PM20D1: variants seen among roughly 807,000 people sequenced by gnomAD.
The protein encoded by PM20D1 is peptidase M20 domain containing 1.
In PM20D1, 53 loss-of-function variants were observed where a neutral mutation model predicts 53.8. That is an observed-to-expected ratio of 0.98 (90% CI 0.79 to 1.24). The LOEUF is 1.24. PM20D1 is among the 50% of genes most tolerant of loss of function. The pLI is 0.00. For synonymous variants in PM20D1, 239 were observed against 241.3 expected (o/e 0.99, Z 0.09); for missense variants, 564 against 616.8 (o/e 0.91, Z 0.91).
chr1:205,832,686 G>A lies in PM20D1; in HGVS notation c.1197C>T (p.Val399=). ...CCAAGGCCTTGTCATCAGAAGGGCT[G>A]ACGGGGAGGGGGTCAAAGGCACTCA... ...HVLSAFDPLP[V]SPSDDKALGY... is the part of the protein sequence containing the mutation. Residue 399 remains valine, a synonymous_variant, in exon 11 of 13, where the codon GTC becomes GTT. Transcript: ENST00000367136. 1 of 1,614,132 alleles carries A rather than the reference G, an allele frequency of 6.2e-7. No homozygotes were observed. The highest frequency in any genetic ancestry group is 8.5e-7 in the Non-Finnish European group (1 of 1,180,008).
intron 1 of PM20D1, among the ~76,000 whole-genome samples, chr1:205,848,569 C>T (rs952225420): frequency 6.6e-6 from 1 of 152,210 alleles, no homozygotes; most frequent in Non-Finnish European, 1.5e-5. Flanking sequence ...ACCCTCCTTA[C>T]TCAGTTGTCT....
Position 205,849,931 on chromosome 1 carries a change from G to A in PM20D1, c.142C>T (p.Arg48Cys), listed in dbSNP as rs375544300. ...RIPSQFSKEE[R>C]VAMKEALKGA... ...TTCAGCGCCTCTTTCATCGCGACGC[G>A]TTCCTCTTTGCTGAACTGAGAAGGG... is the stretch of plus-strand genomic sequence containing the variant. The change falls in exon 1 of 13, where the codon CGC becomes TGC. Residue 48 changes from arginine to cysteine, a missense_variant. By Grantham distance (180) the Arg-to-Cys change is radical. Transcript: ENST00000367136. The A allele has an allele frequency of 9.3e-6, 15 of 1,613,426 alleles. No individual in the cohort carries two copies. The South Asian group carries it at 1.3e-4, about 14-fold the overall frequency.
chr1:205,841,668 A>G (rs1266569397), intron 9 of PM20D1, 143 bp downstream of exon 9: 7 of 808,650 alleles, frequency 8.7e-6, no homozygotes, highest in South Asian at 6.7e-5. Flanking sequence ...TCAAGATTTC[A>G]GAAAGGCCTA....
At chr1:205,843,571 T>C (rs1195912734) in intron 6 of PM20D1, 96 bp downstream of exon 6, 2 of 1,501,450 alleles carry the variant, frequency 1.3e-6, no homozygotes, top group Non-Finnish European at 1.8e-6. Flanking sequence ...AGCCCAACTT[T>C]AGGGCAGGAA....
chr1:205,831,221 G>A (rs1270236244), intron 11 of PM20D1, among the ~76,000 whole-genome samples: 2 of 152,162 alleles, frequency 1.3e-5, no homozygotes, highest in Non-Finnish European at 1.5e-5. Context: ...AAGTGTGTGC[G>A]GTGATTTGAG....
intron 10 of PM20D1, among the ~76,000 whole-genome samples, chr1:205,837,384 C>T (rs1338890498): frequency 1.3e-5 from 2 of 152,374 alleles, no homozygotes; most frequent in South Asian, 4.1e-4. Flanking sequence ...CTTCTCTCTA[C>T]TCCTTCAGGC....
At chr1:205,849,834 G>A in intron 1 of PM20D1, 70 bp downstream of exon 1, 2 of 1,522,174 alleles carry the variant, frequency 1.3e-6, no homozygotes, top group Non-Finnish European at 1.8e-6. Context: ...GAAGCGGGGA[G>A]TCACGGGTTG....
chr1:205,835,925 G>A (rs1202901154), intron 10 of PM20D1, among the ~76,000 whole-genome samples: 1 of 152,036 alleles, frequency 6.6e-6, no homozygotes. Context: ...ACCCAGACTG[G>A]AGTGCAATGG....
rs957702205 is a variant in PM20D1, at chr1:205,828,465, C to T, written c.*155G>A. The T allele has an allele frequency of 7.3e-6, 8 of 1,103,364 alleles. No individual in the cohort carries two copies. Among genetic ancestry groups the T allele is most frequent in the East Asian group, 2.8e-5 (1 of 36,294 alleles). 68.3% of individuals were successfully genotyped at this position (1,103,364 alleles called of 1,614,324 possible). ...GATTTCTGCTGACTTTACCTTACCCCGGCCTTGTTCTTGGGAGAGTTTAAG... is the reference window on the plus strand; with the variant it reads ...GATTTCTGCTGACTTTACCTTACCCTGGCCTTGTTCTTGGGAGAGTTTAAG... On this transcript the variant is annotated 3_prime_UTR_variant, in exon 13 of 13. Transcript: ENST00000367136.
chr1:205,846,256 C>T (rs944817628), intron 2 of PM20D1, among the ~76,000 whole-genome samples: 9 of 151,924 alleles, frequency 5.9e-5, no homozygotes, highest in Admixed American at 2.0e-4. Context: ...CGTGGTGGCA[C>T]GTACTTGTAA....
At chr1:205,830,050 A>G (rs1272834731) in intron 12 of PM20D1, 1 of 440,952 alleles carries the variant, frequency 2.3e-6, no homozygotes, top group African/African-American at 2.0e-5. Context: ...TCACCCAATT[A>G]TCTCCATCTT....
rs140764201 is a variant in PM20D1 at position 205,848,952 on chromosome 1, T to C, written c.169+952A>G. ...GCTATGAGGTCCCTATTCTAGCTTA[T>C]GTAGCTTTTGTTCTCTTCTGTGCAG... On this transcript the variant is annotated intron_variant, in intron 1 of 12. Coordinates refer to ENST00000367136, the MANE Select transcript of PM20D1 (RefSeq NM_152491.5). Among the ~76,000 whole-genome samples, 14 of 152,348 alleles carry C rather than the reference T, an allele frequency of 9.2e-5. No individual in the cohort carries two copies. In the East Asian group the frequency reaches 2.7e-3, roughly 29 times the overall value.
chr1:205,847,808 CTTT>C (rs1478630468), intron 2 of PM20D1, 74 bp downstream of exon 2: 16 of 911,690 alleles, frequency 1.8e-5, no homozygotes, highest in Non-Finnish European at 2.9e-5. Context: ...AAATAAACTT[CTTT>C]ATCACTTTGT....
intron 11 of PM20D1, among the ~76,000 whole-genome samples, chr1:205,830,588 C>T (rs1656536345): frequency 6.6e-6 from 1 of 150,552 alleles, no homozygotes; most frequent in Non-Finnish European, 1.5e-5. Context: ...GGTGAGACAT[C>T]CCTTGGATGG....
At position 205,843,715 on chromosome 1, in the gene PM20D1, G is replaced by A; in HGVS notation, c.779C>T (p.Ala260Val). 1 of 1,614,216 alleles carries A rather than the reference G, an allele frequency of 6.2e-7. No homozygotes were observed. The highest frequency in any genetic ancestry group is 1.1e-5 in the South Asian group (1 of 91,084). The part of the protein sequence containing the change: ...QVNMTSGHSS[A>V]PPKETSIGIL... Reference sequence around the variant, plus strand: ...GCCAATGCTTGTCTCCTTTGGAGGAGCTGAAGAGTGGCCTGAAGTCATGTT... The same window carrying A: ...GCCAATGCTTGTCTCCTTTGGAGGAACTGAAGAGTGGCCTGAAGTCATGTT... Residue 260 changes from alanine (A) to valine (V), a missense_variant, in exon 6 of 13, where the codon GCT (alanine) becomes GTT (valine). By Grantham distance (64) the Ala-to-Val change is moderately conservative (BLOSUM62 0). Coordinates refer to ENST00000367136, the MANE Select transcript of PM20D1 (RefSeq NM_152491.5).
chr1:205,843,834 A>G, intron 5 of PM20D1, 48 bp from the exon 6 acceptor site: 1 of 1,599,388 alleles, frequency 6.3e-7, no homozygotes, highest in Non-Finnish European at 8.5e-7. Flanking sequence ...TGCCTCTCTG[A>G]ATTCTCCCAT....
At position 205,844,218 on chromosome 1, in the gene PM20D1, C is replaced by A; in HGVS notation, c.577-1G>T. On this transcript the variant is annotated splice_acceptor_variant, in intron 4 of 12. Coordinates refer to ENST00000367136, the MANE Select transcript of PM20D1 (RefSeq NM_152491.5). LOFTEE classifies it high-confidence loss of function. ...TCCTCTGAGCCCCTGTCCCTGATGA[C>A]TGCAGACATGGAACATAGAGCTATA... 1 of 1,606,604 alleles carries A rather than the reference C, an allele frequency of 6.2e-7. No individual in the cohort carries two copies. Among genetic ancestry groups the A allele is most frequent in the South Asian group, 1.1e-5 (1 of 90,394 alleles).
intron 10 of PM20D1, among the ~76,000 whole-genome samples, chr1:205,836,650 T>A (rs915478023): frequency 6.6e-6 from 1 of 152,060 alleles, no homozygotes; most frequent in Non-Finnish European, 1.5e-5. Flanking sequence ...GCTGGGAGTA[T>A]AGGAGTGTGC....
chr1:205,838,051 CCCGCTCTACAATGAGGAGTGTG>C (rs1331347145), intron 10 of PM20D1, among the ~76,000 whole-genome samples: 1 of 152,078 alleles, frequency 6.6e-6, no homozygotes, highest in Non-Finnish European at 1.5e-5. Flanking sequence ...CAACCTTCTC[CCCGCTCTACAATGAGGAGTGTG>C]CCTCTCTCCT....
Sources: allele counts gnomAD v4.1 joint callset (sites outside exome capture counted in the v4.1 genomes callset), GRCh38; gene constraint gnomAD v4.1.1; transcripts MANE v1.5; gene names NCBI Gene and HGNC (gene_info 2026-07-23, HGNC 2026-07-21).